The following TEAD1 variants were observed in gnomAD, a reference collection of about 807,000 sequenced individuals.
TEAD1 encodes transcriptional enhancer factor TEF-1.
A neutral mutation model predicts 54.9 loss-of-function variants in TEAD1; 9 were observed. That is an observed-to-expected ratio of 0.16 (90% confidence interval 0.10 to 0.29). The LOEUF (loss-of-function observed/expected upper bound fraction) is 0.29, where lower values mean the gene tolerates loss of function less well. Among genes scored for constraint, TEAD1 ranks in the 10% least tolerant of loss-of-function variants. The pLI is 1.00. For missense variants in TEAD1, 387 were observed against 535.9 expected (o/e 0.72, Z 2.74); for synonymous variants, 200 against 187.8 (o/e 1.07, Z -0.53).
intron 2 of TEAD1, among the ~76,000 whole-genome samples, chr11:12,753,007 A>ATTT (rs1276478132): frequency 2.9e-5 from 4 of 138,094 alleles, no homozygotes; most frequent in African/African-American, 5.4e-5. Context: ...CACCCAGCTA[A>ATTT]TTTTTTTTTT....
At chr11:12,684,423 T>C (rs1409699674) in intron 2 of TEAD1, among the ~76,000 whole-genome samples, 1 of 152,228 alleles carries the variant, frequency 6.6e-6, no homozygotes, top group Non-Finnish European at 1.5e-5. Flanking sequence ...TTGTAAGTGG[T>C]TGAATGGAAC....
intron 10 of TEAD1, among the ~76,000 whole-genome samples, chr11:12,911,522 C>G (rs1234723281): frequency 1.3e-5 from 2 of 152,196 alleles, no homozygotes; most frequent in African/African-American, 4.8e-5. Flanking sequence ...CTCCCTACTT[C>G]TGTCTCATCT....
In TEAD1 at chr11:12,700,252, T is replaced by C. The variant is rs556279328; in HGVS notation, c.-55+24691T>C. ...CCTGTGTGCTACTTATGGACAGGAA[T>C]GGAATCTTCATTCATTTTTATAACT... On this transcript the variant is annotated intron_variant, in intron 2 of 12. Transcript: ENST00000527636. 1.4e-3 allele frequency among the ~76,000 whole-genome samples: 217 copies of C among 152,360 alleles called. 2 individuals are homozygous for C. Among genetic ancestry groups the C allele is most frequent in the African/African-American group, 5.1e-3 (211 of 41,584 alleles).
chr11:12,757,116 C>T (rs1230571444), intron 2 of TEAD1, among the ~76,000 whole-genome samples: 1 of 152,206 alleles, frequency 6.6e-6, no homozygotes, highest in Non-Finnish European at 1.5e-5. Context: ...GTGGCCCTCA[C>T]TTCTACTGAC....
intron 3 of TEAD1, among the ~76,000 whole-genome samples, chr11:12,857,578 CTG>C (rs10694132): frequency 0.019 from 2,815 of 145,732 alleles, 31 homozygotes; most frequent in South Asian, 0.038. Flanking sequence ...CTCTCTGTCT[CTG>C]TGTGTGTGTG....
chr11:12,915,843 CA>C (rs996263726), intron 10 of TEAD1, among the ~76,000 whole-genome samples: 2 of 151,938 alleles, frequency 1.3e-5, no homozygotes, highest in African/African-American at 2.4e-5. Flanking sequence ...GACTCTGTCT[CA>C]GAAAAAAGAA....
chr11:12,817,066 A>G lies in TEAD1; in HGVS notation c.203-45184A>G, dbSNP rs1946431002. ...GTTCACTCGCTGCTGGATCAGCAGA[A>G]CCTCGCGCAGGGCACTCCTTGGGCT... On this transcript the variant is annotated intron_variant, in intron 3 of 12. Transcript: ENST00000527636. Among the ~76,000 whole-genome samples the G allele has an allele frequency of 3.3e-5, 5 of 152,116 alleles. 1 individual carries two copies. The South Asian group carries it at 1.0e-3, about 32-fold the overall frequency.
chr11:12,710,350 A>G (rs76900912), intron 2 of TEAD1, among the ~76,000 whole-genome samples: 4,946 of 152,184 alleles, frequency 0.033, 251 homozygotes, highest in African/African-American at 0.11. Flanking sequence ...CACGAATTGT[A>G]TATGTGTTCT....
chr11:12,880,784 GC>G (rs1271360472), intron 6 of TEAD1, among the ~76,000 whole-genome samples: 1 of 152,228 alleles, frequency 6.6e-6, no homozygotes, highest in African/African-American at 2.4e-5. Context: ...GCCCTTGGGG[GC>G]ATTTTCAGGA....
rs572468512 is a variant in TEAD1 at position 12,762,279 on chromosome 11, A to G, written c.-54-1900A>G. Among the ~76,000 whole-genome samples the G allele has an allele frequency of 9.7e-4, 148 of 152,266 alleles. 1 individual carries two copies. Among genetic ancestry groups the G allele is most frequent in the African/African-American group, 3.5e-3 (144 of 41,548 alleles). Reference sequence around the variant, plus strand: ...AAGAAGGTGGGCTAGCCACTGCTCAAAGAATTCATTCTTATTCTCATAATT... The same window carrying G: ...AAGAAGGTGGGCTAGCCACTGCTCAGAGAATTCATTCTTATTCTCATAATT... On this transcript the variant is annotated intron_variant, in intron 2 of 12. Coordinates refer to ENST00000527636, the MANE Select transcript of TEAD1 (RefSeq NM_021961.6).
chr11:12,683,448 T>C (rs768694819), intron 2 of TEAD1, among the ~76,000 whole-genome samples: 61 of 152,308 alleles, frequency 4.0e-4, no homozygotes, highest in Non-Finnish European at 6.9e-4. Context: ...TTTCCTTATG[T>C]AACATCAGAA....
intron 5 of TEAD1, chr11:12,878,784 C>CAT: frequency 1.7e-6 from 1 of 603,134 alleles, no homozygotes; most frequent in Non-Finnish European, 2.4e-6. Flanking sequence ...TACATATATA[C>CAT]ATATGTATAT....
At chr11:12,722,865 A>G (rs1417961800) in intron 2 of TEAD1, among the ~76,000 whole-genome samples, 2 of 152,188 alleles carry the variant, frequency 1.3e-5, no homozygotes, top group Admixed American at 1.3e-4. Context: ...CCTTAAGTAA[A>G]TGCTTTCCAA....
chr11:12,930,204 T>G lies in TEAD1; in HGVS notation c.1045T>G (p.Phe349Val), dbSNP rs1175145471. ...GTATGCAAGGTTTGAGAATGGCCGA[T>G]TTGTATACCGAATAAACCGCTCCCC... Residue 349 changes from phenylalanine to valine, a missense_variant, in exon 12 of 13, where the codon TTT becomes GTT. This residue lies in a region of TEAD1 where 123 missense variants were observed against 199.0 expected (regional missense o/e 0.62). Transcript: ENST00000527636. The G allele has an allele frequency of 6.2e-7, 1 of 1,614,108 alleles. No individual in the cohort carries two copies. The highest frequency in any genetic ancestry group is 8.5e-7 in the Non-Finnish European group (1 of 1,180,040).
intron 3 of TEAD1, among the ~76,000 whole-genome samples, chr11:12,845,751 G>C (rs1253230585): frequency 6.6e-6 from 1 of 152,256 alleles, no homozygotes; most frequent in Admixed American, 6.5e-5. Flanking sequence ...GCCAAGACAA[G>C]TCTATCCAAG....
At chr11:12,905,899 A>G (rs1477375289) in intron 10 of TEAD1, among the ~76,000 whole-genome samples, 1 of 152,184 alleles carries the variant, frequency 6.6e-6, no homozygotes, top group Admixed American at 6.5e-5. Context: ...CTATGGAAGA[A>G]TACTATGTGT....
At chr11:12,850,042 G>A (rs982424175) in intron 3 of TEAD1, among the ~76,000 whole-genome samples, 5 of 152,254 alleles carry the variant, frequency 3.3e-5, no homozygotes, top group African/African-American at 4.8e-5. Context: ...CATGTAGTAC[G>A]GTGTCCTGAA....
At chr11:12,676,511 C>T (rs1307339024) in intron 2 of TEAD1, among the ~76,000 whole-genome samples, 11 of 152,196 alleles carry the variant, frequency 7.2e-5, no homozygotes, top group African/African-American at 2.4e-4. Context: ...GTTTGTGCCC[C>T]GCTTCTGTAA....
chr11:12,879,177 A>G (rs1712925906), intron 5 of TEAD1, among the ~76,000 whole-genome samples: 1 of 152,128 alleles, frequency 6.6e-6, no homozygotes, highest in Non-Finnish European at 1.5e-5. Context: ...CTCTCCAGCC[A>G]GGTGTCTGCA....
Sources: allele counts gnomAD v4.1 joint callset (sites outside exome capture counted in the v4.1 genomes callset), GRCh38; gene constraint gnomAD v4.1.1; regional missense constraint gnomAD v4.1.1; transcripts MANE v1.5; gene names NCBI Gene and HGNC (gene_info 2026-07-23, HGNC 2026-07-21).